Variants in TAF4 observed in about 807,000 individuals in gnomAD.
The protein encoded by TAF4 is TATA-box binding protein associated factor 4.
In TAF4, 9 loss-of-function variants were observed where a neutral mutation model predicts 90.3. The ratio of observed to expected loss-of-function variants is 0.10; its 90% CI spans 0.06 to 0.17. TAF4 has a LOEUF of 0.17. TAF4 is among the 10% of genes least tolerant of loss of function. TAF4 has a pLI of 1.00. For synonymous variants in TAF4, 818 were observed against 638.9 expected, an observed-to-expected ratio of 1.28 and a Z score of -4.23; for missense variants, 1,351 against 1,370.7, an observed-to-expected ratio of 0.99 and a Z score of 0.23.
chr20:62,029,771 G>C (rs1248982349), intron 1 of TAF4, among the ~76,000 whole-genome samples: 2 of 152,072 alleles, frequency 1.3e-5, no homozygotes, highest in Non-Finnish European at 2.9e-5. Context: ...CTGGGCGTGG[G>C]AGCACACACC....
rs532450809 is a variant in TAF4 at position 62,028,981 on chromosome 20, G to A, written c.1361-14274C>T. The stretch of plus-strand genomic sequence containing the variant: ...GGAGGCCAAGGCAGGCGGATCACGA[G>A]GTCAGGAGATCGAGACCATCCTGGC... On this transcript the variant is annotated intron_variant, in intron 1 of 14. Coordinates refer to ENST00000252996, the MANE Select transcript of TAF4 (RefSeq NM_003185.4). 2.6e-5 allele frequency among the ~76,000 whole-genome samples: 4 copies of A among 152,258 alleles called. No individual in the cohort carries two copies. In the East Asian group the frequency reaches 5.8e-4, roughly 22 times the overall value.
intron 1 of TAF4, among the ~76,000 whole-genome samples, chr20:62,063,853 G>A (rs1036569795): frequency 2.0e-5 from 3 of 152,246 alleles, no homozygotes; most frequent in Non-Finnish European, 2.9e-5. Context: ...CCTGCCTGGT[G>A]GCAGCAGAGG....
At position 62,006,804 on chromosome 20, in the gene TAF4, T is replaced by C; in HGVS notation, c.1975-46A>G. The C allele has an allele frequency of 7.0e-7, 1 of 1,420,760 alleles. No individual in the cohort carries two copies. The highest frequency in any genetic ancestry group is 2.6e-5 in the East Asian group (1 of 38,078). The allele number at this position is 1,420,760 out of a possible 1,614,324, so 88.0% of individuals were successfully genotyped here. A position where few individuals can be genotyped will look rare whatever the true frequency, so the allele number is the denominator to read the frequency against. On this transcript the variant is annotated intron_variant, in intron 6 of 14. Transcript: ENST00000252996. This position sits in a 1 kb window ranked among gnomAD's most constrained non-coding sequence, Gnocchi z 7.0. ...GAGGGGTCAGGCGGCTGCTCATGCG[T>C]CGGTTTTCCTTGCTTAAAAATTCAG...
intron 7 of TAF4, chr20:62,005,939 C>T (rs2055742286): frequency 6.6e-6 from 1 of 152,288 alleles, no homozygotes; most frequent in Non-Finnish European, 1.5e-5. Context: ...AGGGAATGTG[C>T]TCAAAATGTA....
chr20:62,055,329 T>C (rs2056056963), intron 1 of TAF4, among the ~76,000 whole-genome samples: 2 of 151,012 alleles, frequency 1.3e-5, no homozygotes, highest in South Asian at 4.2e-4. Flanking sequence ...TCATGCTGCC[T>C]GCGGGCAGTC....
chr20:62,064,312 G>T, intron 1 of TAF4, 139 bp downstream of exon 1: 1 of 1,040,856 alleles, frequency 9.6e-7, no homozygotes, highest in Non-Finnish European at 1.2e-6. Flanking sequence ...CACCTGGGTA[G>T]AGACTGCCCC....
intron 14 of TAF4, among the ~76,000 whole-genome samples, chr20:61,982,862 C>T (rs1010681857): frequency 6.6e-6 from 1 of 152,228 alleles, no homozygotes; most frequent in African/African-American, 2.4e-5. Flanking sequence ...GAATCAGCCT[C>T]CATGGCTCCT....
In TAF4 at chr20:61,983,168, G is replaced by A. The variant is rs1307750708; in HGVS notation, c.3091-6833C>T. On this transcript the variant is annotated intron_variant, in intron 14 of 14. Coordinates refer to ENST00000252996, the MANE Select transcript of TAF4 (RefSeq NM_003185.4). ...GACGCCGATGGCCAACAGTGGAGCTGCCAGGCCCGTGCAAACTGCTCGACT... is the reference window on the plus strand; with the variant it reads ...GACGCCGATGGCCAACAGTGGAGCTACCAGGCCCGTGCAAACTGCTCGACT... 2.6e-5 allele frequency among the ~76,000 whole-genome samples: 4 copies of A among 152,108 alleles called. No homozygotes were observed. In the East Asian group the frequency reaches 5.8e-4, roughly 22 times the overall value.
Position 62,003,185 on chromosome 20 carries a change from T to C in TAF4, c.2461A>G (p.Lys821Glu). ...QAAAAQKNKL[K>E]EPGGGSFRDD... Reference sequence around the variant, plus strand: ...CGAAACGAACCTCCCCCAGGCTCCTTGAGTTTATTTTTCTGTGCAGCAGCT... The same window carrying C: ...CGAAACGAACCTCCCCCAGGCTCCTCGAGTTTATTTTTCTGTGCAGCAGCT... The change falls in exon 9 of 15, where the codon AAG becomes GAG. Residue 821 changes from lysine (K) to glutamate (E), a missense_variant. By Grantham distance (56) the Lys-to-Glu change is moderately conservative. Around this residue, in one of 9 missense-constraint regions of TAF4, gnomAD observed 202 missense variants for 229.7 expected, o/e 0.88. Coordinates refer to ENST00000252996, the MANE Select transcript of TAF4 (RefSeq NM_003185.4). The C allele has an allele frequency of 6.2e-7, 1 of 1,614,084 alleles. No individual in the cohort carries two copies. The highest frequency in any genetic ancestry group is 8.5e-7 in the Non-Finnish European group (1 of 1,179,998).
At chr20:61,979,195 C>G (rs546741109) in intron 14 of TAF4, 1 of 153,270 alleles carries the variant, frequency 6.5e-6, no homozygotes, top group East Asian at 1.9e-4. Flanking sequence ...CCAACCCACA[C>G]GGCAGTGGCA....
At chr20:61,984,364 C>A (rs1272162663) in intron 14 of TAF4, among the ~76,000 whole-genome samples, 1 of 152,224 alleles carries the variant, frequency 6.6e-6, no homozygotes, top group African/African-American at 2.4e-5. Context: ...CACGCACCAA[C>A]CCCTCAATTC....
chr20:61,980,252 G>A (rs1021079700), intron 14 of TAF4: 2 of 152,302 alleles, frequency 1.3e-5, no homozygotes, highest in Admixed American at 1.3e-4. Flanking sequence ...GCCAAATGCA[G>A]AGTCGCCGTC....
At chr20:62,014,019 G>GGTGTGGGGGTGTGTGTGTGT (rs1180312447) in intron 2 of TAF4, among the ~76,000 whole-genome samples, 1 of 126,450 alleles carries the variant, frequency 7.9e-6, no homozygotes, top group African/African-American at 3.8e-5. Flanking sequence ...CGGGGGTGTG[G>GGTGTGGGGGTGTGTGTGTGT]GTGTGTGTGT....
At chr20:61,984,433 C>T (rs1044898158) in intron 14 of TAF4, among the ~76,000 whole-genome samples, 4 of 152,238 alleles carry the variant, frequency 2.6e-5, no homozygotes, top group African/African-American at 9.6e-5. Context: ...CACGAAGACA[C>T]ACGTACAAGG....
chr20:61,991,243 A>C (rs2055629371), intron 14 of TAF4, among the ~76,000 whole-genome samples: 1 of 152,000 alleles, frequency 6.6e-6, no homozygotes, highest in Non-Finnish European at 1.5e-5. Flanking sequence ...ACATGGTGAA[A>C]CCCTGTCTCT....
intron 1 of TAF4, among the ~76,000 whole-genome samples, chr20:62,048,395 G>A (rs1480633076): frequency 2.6e-5 from 4 of 152,110 alleles, no homozygotes; most frequent in African/African-American, 7.2e-5. Context: ...CACAGACAGG[G>A]CCACCTGCAA....
chr20:62,037,114 T>C (rs375544505), intron 1 of TAF4, among the ~76,000 whole-genome samples: 1 of 152,214 alleles, frequency 6.6e-6, no homozygotes, highest in South Asian at 2.1e-4. Context: ...AGGGGATTCC[T>C]CAACCTAACA....
intron 3 of TAF4, 104 bp downstream of exon 3, chr20:62,012,711 C>T (rs1051024657): frequency 1.9e-4 from 259 of 1,335,976 alleles, no homozygotes; most frequent in Non-Finnish European, 2.4e-4. Context: ...ACGTAGTATC[C>T]AGTTTAAAAA....
In TAF4 at chr20:62,060,981, T is replaced by G. The variant is rs1224148127; in HGVS notation, c.1360+3470A>C. 3.3e-5 allele frequency among the ~76,000 whole-genome samples: 5 copies of G among 152,208 alleles called. No homozygotes were observed. In the East Asian group the frequency reaches 9.6e-4, roughly 29 times the overall value. ...GACAGCTATGTTATCTGGCCCAACC[T>G]GACAGAATTCACATTCTTCACCAAA... On this transcript the variant is annotated intron_variant, in intron 1 of 14. Transcript: ENST00000252996.
Sources: gnomAD v4.1 joint callset for allele counts (sites outside exome capture counted in the v4.1 genomes callset) on GRCh38, gnomAD v4.1.1 for gene constraint, gnomAD v4.1.1 regional missense constraint, Gnocchi (gnomAD v3.1) non-coding constraint, MANE v1.5 for transcripts, NCBI Gene and HGNC (gene_info 2026-07-23, HGNC 2026-07-21) for gene names.